Variants in ASIC2 observed in about 807,000 individuals in gnomAD.
ASIC2 encodes acid-sensing ion channel 2.
Under a neutral mutation model 57.3 loss-of-function variants are expected in ASIC2, and 25 were observed. The observed-to-expected ratio is 0.44, with a 90% CI of 0.32 to 0.61. ASIC2 has a LOEUF of 0.61. ASIC2 is among the 20% of genes least tolerant of loss of function. The probability of loss-of-function intolerance (pLI) is 0.06; values close to 1 mark genes in which losing one functional copy is unlikely to be tolerated. For synonymous variants in ASIC2, 319 were observed against 307.5 expected, an observed-to-expected ratio of 1.04 and a Z score of -0.39; for missense variants, 641 against 738.1, an observed-to-expected ratio of 0.87 and a Z score of 1.52.
intron 1 of ASIC2, among the ~76,000 whole-genome samples, chr17:33,911,360 C>T (rs1465854356): frequency 6.6e-6 from 1 of 152,164 alleles, no homozygotes; most frequent in African/African-American, 2.4e-5. Context: ...CAGTCCTGGG[C>T]CATGGTAGCT....
chr17:33,720,762 T>C (rs1356276150), intron 1 of ASIC2, among the ~76,000 whole-genome samples: 2 of 152,242 alleles, frequency 1.3e-5, no homozygotes, highest in South Asian at 4.1e-4. Flanking sequence ...ATAATGCTTG[T>C]GACTCCAGCT....
chr17:34,077,328 G>A (rs968227746), intron 1 of ASIC2, among the ~76,000 whole-genome samples: 3 of 152,158 alleles, frequency 2.0e-5, no homozygotes, highest in Admixed American at 1.3e-4. Flanking sequence ...TCCTGTGATC[G>A]AGCCCCGGGA....
chr17:33,138,830 TA>T (rs1377387244), intron 1 of ASIC2, among the ~76,000 whole-genome samples: 5 of 152,192 alleles, frequency 3.3e-5, no homozygotes, highest in African/African-American at 1.2e-4. Flanking sequence ...ATTGACATTT[TA>T]AAAAAATGCA....
chr17:33,929,771 T>C (rs1355430489), intron 1 of ASIC2, among the ~76,000 whole-genome samples: 1 of 152,202 alleles, frequency 6.6e-6, no homozygotes, highest in Non-Finnish European at 1.5e-5. Flanking sequence ...TCCTTCACCT[T>C]AGCCAAAATA....
intron 1 of ASIC2, among the ~76,000 whole-genome samples, chr17:33,519,146 C>T (rs1266748485): frequency 2.0e-5 from 3 of 152,208 alleles, no homozygotes; most frequent in Admixed American, 6.5e-5. Flanking sequence ...AATCATCATC[C>T]CATTTTACAG....
chr17:33,247,682 G>A (rs1908738397), intron 1 of ASIC2, among the ~76,000 whole-genome samples: 1 of 152,220 alleles, frequency 6.6e-6, no homozygotes, highest in Admixed American at 6.5e-5. Flanking sequence ...GCTTCCTGGA[G>A]CAGGAGTCAG....
chr17:33,989,373 C>T (rs369419587), intron 1 of ASIC2, among the ~76,000 whole-genome samples: 3 of 151,932 alleles, frequency 2.0e-5, no homozygotes, highest in Non-Finnish European at 2.9e-5. Context: ...CAAAGGTGAC[C>T]GAGGTGCTTA....
chr17:33,810,397 A>G (rs1244180710), intron 1 of ASIC2, among the ~76,000 whole-genome samples: 1 of 152,206 alleles, frequency 6.6e-6, no homozygotes, highest in Non-Finnish European at 1.5e-5. Flanking sequence ...AACACTAATT[A>G]TGTCAGAATG....
chr17:33,586,346 C>T (rs1017384174), intron 1 of ASIC2, among the ~76,000 whole-genome samples: 4 of 152,048 alleles, frequency 2.6e-5, no homozygotes, highest in Admixed American at 6.6e-5. Flanking sequence ...AATTGAGATA[C>T]GTCTTATAAA....
At chr17:33,767,112 C>T (rs1198170746) in intron 1 of ASIC2, among the ~76,000 whole-genome samples, 1 of 152,196 alleles carries the variant, frequency 6.6e-6, no homozygotes, top group East Asian at 1.9e-4. Context: ...GCTCTGCTGA[C>T]CTTGGATTTG....
rs571121312 is a variant in ASIC2 at position 33,047,638 on chromosome 17, C to T, written c.988-19246G>A. Among the ~76,000 whole-genome samples the T allele has an allele frequency of 2.0e-5, 3 of 152,198 alleles. No homozygotes were observed. The South Asian group carries it at 6.2e-4, about 31-fold the overall frequency. On this transcript the variant is annotated intron_variant, in intron 3 of 9. Coordinates refer to ENST00000225823, the MANE Select transcript of ASIC2 (RefSeq NM_183377.2). ...TACAGGCATGAGCCACTATGCCTGG[C>T]CTTACTTTACAGCAAGTAAAGTACT...
At chr17:33,811,230 C>T (rs1318875289) in intron 1 of ASIC2, among the ~76,000 whole-genome samples, 45 of 152,210 alleles carry the variant, frequency 3.0e-4, no homozygotes, top group Admixed American at 2.9e-3. Context: ...TTCTCTGTGT[C>T]TATCACTTCT....
At chr17:33,559,973 C>A (rs752865173) in intron 1 of ASIC2, among the ~76,000 whole-genome samples, 1 of 152,188 alleles carries the variant, frequency 6.6e-6, no homozygotes, top group Admixed American at 6.5e-5. Context: ...AGGATGCTGA[C>A]TACAAATTAC....
intron 1 of ASIC2, among the ~76,000 whole-genome samples, chr17:33,241,324 G>C (rs1479835962): frequency 1.3e-5 from 2 of 152,248 alleles, no homozygotes; most frequent in African/African-American, 2.4e-5. Context: ...TAGAGAAGGA[G>C]ATGCTACCTC....
intron 1 of ASIC2, among the ~76,000 whole-genome samples, chr17:33,731,419 G>A (rs925323118): frequency 2.0e-5 from 3 of 152,178 alleles, no homozygotes; most frequent in Non-Finnish European, 2.9e-5. Flanking sequence ...TAGAAAAACA[G>A]AGTTTGGGAC....
chr17:33,398,378 G>A (rs1910156392), intron 1 of ASIC2, among the ~76,000 whole-genome samples: 1 of 152,192 alleles, frequency 6.6e-6, no homozygotes, highest in African/African-American at 2.4e-5. Flanking sequence ...GATAAAGGGA[G>A]GAGATAACTT....
chr17:33,865,123 C>G (rs901302992), intron 1 of ASIC2, among the ~76,000 whole-genome samples: 1 of 152,128 alleles, frequency 6.6e-6, no homozygotes, highest in East Asian at 1.9e-4. Context: ...AAGAGATGAA[C>G]AGGAATGGAG....
At chr17:33,557,704 T>G (rs1161823417) in intron 1 of ASIC2, among the ~76,000 whole-genome samples, 1 of 152,172 alleles carries the variant, frequency 6.6e-6, no homozygotes, top group Non-Finnish European at 1.5e-5. Context: ...ACACCAATGA[T>G]CTCATTTTTC....
intron 1 of ASIC2, among the ~76,000 whole-genome samples, chr17:34,008,043 G>A (rs1906587511): frequency 6.6e-6 from 1 of 152,110 alleles, no homozygotes; most frequent in Admixed American, 6.6e-5. Flanking sequence ...GATGGGGCTG[G>A]GAAGGTGGCT....
Sources: gnomAD v4.1 joint callset for allele counts (sites outside exome capture counted in the v4.1 genomes callset) on GRCh38, gnomAD v4.1.1 for gene constraint, MANE v1.5 for transcripts, NCBI Gene and HGNC (gene_info 2026-07-23, HGNC 2026-07-21) for gene names.